Variants in S100B observed in about 807,000 individuals in gnomAD.
The protein encoded by S100B is S100 calcium binding protein B, also known as protein S100-B.
S100B carries 6 observed loss-of-function variants against 7.7 expected under a neutral mutation model. The ratio of observed to expected loss-of-function variants is 0.78; its 90% CI spans 0.43 to 1.54. The LOEUF (loss-of-function observed/expected upper bound fraction) is 1.54. Among genes scored for constraint, S100B ranks in the 40% most tolerant of loss-of-function variants. The pLI, the probability that S100B is intolerant of heterozygous loss-of-function variation, is 0.01. For synonymous variants in S100B, 36 were observed against 40.4 expected (o/e 0.89, Z 0.41); for missense variants, 99 against 111.8 (o/e 0.89, Z 0.52).
rs564547722 is a variant in S100B, at chr21:46,602,323, G to A, written c.93C>T (p.Ser31=). 1.7e-5 allele frequency: 28 copies of A among 1,613,752 alleles called. No homozygotes were observed. Among genetic ancestry groups the A allele is most frequent in the Admixed American group, 3.3e-5 (2 of 59,990 alleles). The change falls in exon 2 of 3, where the codon TCC becomes TCT. Residue 31 remains serine (S), a synonymous_variant. Transcript: ENST00000291700. ...REGDKHKLKK[S]ELKELINNEL... is the part of the protein sequence containing the mutation. ...CATTGTTGATGAGCTCCTTCAGTTC[G>A]GATTTCTTCAGCTTGTGCTTGTCTC... is the stretch of plus-strand genomic sequence containing the variant.
intron 1 of S100B, chr21:46,602,629 C>A: frequency 2.1e-6 from 1 of 487,262 alleles, no homozygotes; most frequent in Non-Finnish European, 3.6e-6. Context: ...CAGCTGTGGG[C>A]CTGCCTTCTC....
intron 1 of S100B, among the ~76,000 whole-genome samples, chr21:46,603,392 A>AGGGGGTGGGGGGGGCGGG (rs796474856): frequency 1.0e-4 from 4 of 38,206 alleles, no homozygotes; most frequent in African/African-American, 3.1e-4. Context: ...GGACGGCGGG[A>AGGGGGTGGGGGGGGCGGG]GGGGGTGGGG....
chr21:46,602,511 G>T, intron 1 of S100B, 95 bp from the exon 2 acceptor site: 2 of 1,293,152 alleles, frequency 1.5e-6, no homozygotes, highest in East Asian at 2.4e-5. Context: ...AGACAAGGGG[G>T]ATGGAATGGC....
At chr21:46,604,477 T>C (rs2061051895) in intron 1 of S100B, among the ~76,000 whole-genome samples, 1 of 152,206 alleles carries the variant, frequency 6.6e-6, no homozygotes, top group African/African-American at 2.4e-5. Context: ...CCCAATTTAT[T>C]TGTAATTGTT....
intron 2 of S100B, among the ~76,000 whole-genome samples, chr21:46,599,860 G>A (rs184848389): frequency 2.5e-4 from 38 of 152,168 alleles, no homozygotes; most frequent in Non-Finnish European, 7.4e-5. Context: ...TAAACTTTTC[G>A]TGTGTTCTGT....
chr21:46,600,373 TC>T (rs1186974825), intron 2 of S100B: 1 of 443,646 alleles, frequency 2.3e-6, no homozygotes, highest in East Asian at 7.7e-5. Context: ...GGAGACTCCA[TC>T]TCTACAAAGA....
rs1005507982 is a variant in S100B, at chr21:46,599,084, C to T, written c.*279G>A. On this transcript the variant is annotated 3_prime_UTR_variant, in exon 3 of 3. Coordinates refer to ENST00000291700, the MANE Select transcript of S100B (RefSeq NM_006272.3). ...CGGCCATGGCGGGCTGCACGGTGCA[C>T]GCTTTATCACTGAGACCTGACTCCT... 2.2e-5 allele frequency: 10 copies of T among 457,278 alleles called. No individual in the cohort carries two copies. Among genetic ancestry groups the T allele is most frequent in the Non-Finnish European group, 3.5e-5 (9 of 259,118 alleles). The allele number at this position is 457,278 out of a possible 1,614,324, so 28.3% of individuals were successfully genotyped here.
At chr21:46,602,673 C>G in intron 1 of S100B, 2 of 346,856 alleles carry the variant, frequency 5.8e-6, no homozygotes, top group Non-Finnish European at 1.0e-5. Context: ...TATTCCCATG[C>G]CCTCTGAATT....
chr21:46,603,392 A>AGGGGACGGCGGGAGGGGGGGGCGGG lies in S100B; in HGVS notation c.-1-977_-1-976insCCCGCCCCCCCCTCCCGCCGTCCCC, dbSNP rs1555923730. Among the ~76,000 whole-genome samples the AGGGGACGGCGGGAGGGGGGGGCGGG allele has an allele frequency of 6.9e-3, 262 of 38,246 alleles. 5 individuals carry two copies. The highest frequency in any genetic ancestry group is 8.9e-3 in the South Asian group (6 of 672). The allele number at this position is 38,246 out of a possible 152,430, so 25.1% of individuals were successfully genotyped here. The stretch of plus-strand genomic sequence containing the variant: ...TCACTGCAGTGACTGGGACGGCGGG[A>AGGGGACGGCGGGAGGGGGGGGCGGG]GGGGGTGGGGGCAGGAATAGGTGTT... On this transcript the variant is annotated intron_variant, in intron 1 of 2. Transcript: ENST00000291700.
intron 1 of S100B, chr21:46,602,687 G>T (rs2061045037): frequency 6.4e-6 from 2 of 311,620 alleles, no homozygotes; most frequent in African/African-American, 4.3e-5. Context: ...CTGAATTCTG[G>T]CTGGGTTGGG....
chr21:46,600,391 A>G (rs779674195), intron 2 of S100B: 1 of 444,206 alleles, frequency 2.3e-6, no homozygotes, highest in South Asian at 1.6e-5. Context: ...AAGAAAAAAT[A>G]AAACAATTAG....
chr21:46,603,392 A>AGGGGGGGGGCGGG (rs1555923741), intron 1 of S100B, among the ~76,000 whole-genome samples: 4 of 38,230 alleles, frequency 1.0e-4, no homozygotes, highest in African/African-American at 4.1e-4. Flanking sequence ...GGACGGCGGG[A>AGGGGGGGGGCGGG]GGGGGTGGGG....
intron 2 of S100B, among the ~76,000 whole-genome samples, chr21:46,601,121 C>T (rs1378717621): frequency 6.6e-6 from 1 of 152,188 alleles, no homozygotes; most frequent in African/African-American, 2.4e-5. Flanking sequence ...CCAGCGCCCC[C>T]TCCCCCTGCC....
At chr21:46,603,398 T>TGGGGGGTGGGGGGAGGGGGGGGC in intron 1 of S100B, among the ~76,000 whole-genome samples, 4 of 52,070 alleles carry the variant, frequency 7.7e-5, no homozygotes, top group African/African-American at 2.8e-4. Context: ...CGGGAGGGGG[T>TGGGGGGTGGGGGGAGGGGGGGGC]GGGGGCAGGA....
chr21:46,602,441 C>A, intron 1 of S100B, 25 bp from the exon 2 acceptor site: 2 of 1,608,508 alleles, frequency 1.2e-6, no homozygotes, highest in Non-Finnish European at 1.7e-6. Context: ...AGGAAAGTTG[C>A]CTTCTCATCT....
Position 46,599,217 on chromosome 21 carries a change from A to C in S100B, c.*146T>G. 1.3e-6 allele frequency: 1 copy of C among 761,368 alleles called. No homozygotes were observed. The highest frequency in any genetic ancestry group is 2.5e-5 in the East Asian group (1 of 40,464). The allele number at this position is 761,368 out of a possible 1,614,324, so 47.2% of individuals were successfully genotyped here. ...AAACAGCCTTTGGAAAGAGGTTTTC[A>C]ATTTTTCAATCACAAAGCAAATCAA... On this transcript the variant is annotated 3_prime_UTR_variant, in exon 3 of 3. Coordinates refer to ENST00000291700, the MANE Select transcript of S100B (RefSeq NM_006272.3).
At chr21:46,604,771 G>A (rs552544915) in intron 1 of S100B, among the ~76,000 whole-genome samples, 1 of 152,258 alleles carries the variant, frequency 6.6e-6, no homozygotes, top group African/African-American at 2.4e-5. Context: ...GAAACCTGAC[G>A]TTTCTCTGAT....
chr21:46,599,240 C>T lies in S100B; in HGVS notation c.*123G>A, dbSNP rs2061034678. 1.1e-6 allele frequency: 1 copy of T among 890,416 alleles called. No individual in the cohort carries two copies. The highest frequency in any genetic ancestry group is 1.7e-5 in the African/African-American group (1 of 59,058). The allele number at this position is 890,416 out of a possible 1,614,324, so 55.2% of individuals were successfully genotyped here. Reference sequence around the variant, plus strand: ...TCAATTTTTCAATCACAAAGCAAATCAAGCTTCCTAATTAGCTACAACACG... The same window carrying T: ...TCAATTTTTCAATCACAAAGCAAATTAAGCTTCCTAATTAGCTACAACACG... On this transcript the variant is annotated 3_prime_UTR_variant, in exon 3 of 3. Transcript: ENST00000291700.
At chr21:46,603,317 G>C (rs945158313) in intron 1 of S100B, among the ~76,000 whole-genome samples, 9 of 145,512 alleles carry the variant, frequency 6.2e-5, no homozygotes, top group African/African-American at 2.3e-4. Context: ...GCAGAAAGCT[G>C]AGCTGCTGAG....
Sources: allele counts gnomAD v4.1 joint callset (sites outside exome capture counted in the v4.1 genomes callset), GRCh38; gene constraint gnomAD v4.1.1; transcripts MANE v1.5; gene names NCBI Gene and HGNC (gene_info 2026-07-23, HGNC 2026-07-21).